BACE2: variants seen among roughly 807,000 people sequenced by gnomAD.
BACE2 encodes 56 kDa aspartic-like protease.
Under a neutral mutation model 46.2 loss-of-function variants are expected in BACE2, and 17 were observed. The ratio of observed to expected loss-of-function variants is 0.37; its 90% CI spans 0.25 to 0.55. The LOEUF (loss-of-function observed/expected upper bound fraction) is 0.55, where lower values mean the gene tolerates loss of function less well. BACE2 is among the 20% of genes least tolerant of loss of function. The pLI, the probability that BACE2 is intolerant of heterozygous loss-of-function variation, is 0.82. For synonymous variants in BACE2, 277 were observed against 295.9 expected (o/e 0.94, Z 0.66); for missense variants, 595 against 698.1 (o/e 0.85, Z 1.66).
chr21:41,262,919 C>T (rs1404796787), intron 8 of BACE2, among the ~76,000 whole-genome samples: 1 of 141,936 alleles, frequency 7.0e-6, no homozygotes, highest in Admixed American at 6.9e-5. Flanking sequence ...TCTATCAAAA[C>T]AGCCATATAA....
At chr21:41,264,757 A>T (rs939546136) in intron 8 of BACE2, among the ~76,000 whole-genome samples, 3 of 152,140 alleles carry the variant, frequency 2.0e-5, no homozygotes, top group Non-Finnish European at 4.4e-5. Flanking sequence ...TCCCAATTCA[A>T]CATGAGATTT....
At chr21:41,179,788 G>T in intron 1 of BACE2, 1 of 587,548 alleles carries the variant, frequency 1.7e-6, no homozygotes, top group Non-Finnish European at 2.8e-6. Context: ...AGAGACTATT[G>T]TGTGTTTTAT....
At chr21:41,188,752 C>G (rs192497502) in intron 1 of BACE2, among the ~76,000 whole-genome samples, 2 of 152,174 alleles carry the variant, frequency 1.3e-5, no homozygotes, top group Admixed American at 1.3e-4. Context: ...GAACTGGGGT[C>G]AATCAGAAGT....
At chr21:41,243,118 T>C (rs2123604317) in intron 4 of BACE2, among the ~76,000 whole-genome samples, 1 of 152,264 alleles carries the variant, frequency 6.6e-6, no homozygotes, top group South Asian at 2.1e-4. Flanking sequence ...TTCACCATGC[T>C]AGCCAGGCCG....
At chr21:41,212,485 A>G (rs1986329473) in intron 1 of BACE2, among the ~76,000 whole-genome samples, 1 of 152,126 alleles carries the variant, frequency 6.6e-6, no homozygotes, top group African/African-American at 2.4e-5. Context: ...CACTCTCCCT[A>G]CCCTGAGACA....
chr21:41,191,661 G>A (rs1985573704), intron 1 of BACE2, among the ~76,000 whole-genome samples: 1 of 152,170 alleles, frequency 6.6e-6, no homozygotes, highest in African/African-American at 2.4e-5. Context: ...AGCCAGGTCA[G>A]CCTTGGTGAG....
chr21:41,239,345 T>C (rs996781667), intron 3 of BACE2, among the ~76,000 whole-genome samples: 67 of 152,146 alleles, frequency 4.4e-4, no homozygotes, highest in African/African-American at 1.5e-3. Context: ...GCATACTTTG[T>C]AAGGTCATAT....
At chr21:41,192,183 T>A (rs1985594974) in intron 1 of BACE2, among the ~76,000 whole-genome samples, 1 of 152,206 alleles carries the variant, frequency 6.6e-6, no homozygotes, top group Non-Finnish European at 1.5e-5. Flanking sequence ...GGTGCCTGCA[T>A]ATCATGCAGA....
At chr21:41,263,705 CTGT>C (rs1987997174) in intron 8 of BACE2, among the ~76,000 whole-genome samples, 1 of 152,230 alleles carries the variant, frequency 6.6e-6, no homozygotes, top group Non-Finnish European at 1.5e-5. Context: ...TTGGTCTTAA[CTGT>C]TGTACCTTTA....
intron 6 of BACE2, among the ~76,000 whole-genome samples, chr21:41,249,112 A>G (rs535429764): frequency 1.3e-5 from 2 of 152,296 alleles, no homozygotes; most frequent in Non-Finnish European, 2.9e-5. Flanking sequence ...ACTCAGGACT[A>G]GTGGGCATGT....
At chr21:41,226,700 T>G (rs1295065978) in intron 2 of BACE2, among the ~76,000 whole-genome samples, 1 of 152,172 alleles carries the variant, frequency 6.6e-6, no homozygotes, top group Non-Finnish European at 1.5e-5. Context: ...GGAGGTGGGC[T>G]GGAGCAGGGG....
intron 8 of BACE2, among the ~76,000 whole-genome samples, chr21:41,263,955 C>T (rs1368072989): frequency 6.6e-6 from 1 of 152,152 alleles, no homozygotes; most frequent in Non-Finnish European, 1.5e-5. Flanking sequence ...TCTTTCTAGT[C>T]TCTTCTTCTG....
At chr21:41,253,187 A>G (rs912678189) in intron 7 of BACE2, among the ~76,000 whole-genome samples, 1 of 152,118 alleles carries the variant, frequency 6.6e-6, no homozygotes, top group African/African-American at 2.4e-5. Context: ...CATGCCTGTA[A>G]TCCCAGCACT....
chr21:41,193,735 G>A lies in BACE2; in HGVS notation c.312+25160G>A, dbSNP rs552455044. On this transcript the variant is annotated intron_variant, in intron 1 of 8. Coordinates refer to ENST00000330333, the MANE Select transcript of BACE2 (RefSeq NM_012105.5). This position sits in a 1 kb window ranked among gnomAD's most constrained non-coding sequence, Gnocchi z 4.2. Reference sequence around the variant, plus strand: ...GGGAAAATGACCACAGGATGAGTCCGAGGACCCACTGGACCCACTGTAAGT... The same window carrying A: ...GGGAAAATGACCACAGGATGAGTCCAAGGACCCACTGGACCCACTGTAAGT... Among the ~76,000 whole-genome samples, 9 of 152,290 alleles carry A rather than the reference G, an allele frequency of 5.9e-5. 1 individual carries two copies. The highest frequency in any genetic ancestry group is 3.9e-4 in the East Asian group (2 of 5,170).
Position 41,237,598 on chromosome 21 carries a change from G to A in BACE2, c.487G>A (p.Val163Ile), listed in dbSNP as rs778102614. 7 of 1,614,156 alleles carry A rather than the reference G, an allele frequency of 4.3e-6. No homozygotes were observed. Among genetic ancestry groups the A allele is most frequent in the East Asian group, 4.5e-5 (2 of 44,888 alleles). The change falls in exon 3 of 9, where the codon GTC becomes ATC. Residue 163 changes from valine to isoleucine, a missense_variant. Physicochemically the swap from Val to Ile is conservative, Grantham distance 29. Coordinates refer to ENST00000330333, the MANE Select transcript of BACE2 (RefSeq NM_012105.5). ...SWTGFVGEDL[V>I]TIPKGFNTSF... The stretch of plus-strand genomic sequence containing the variant: ...GACGGGCTTCGTTGGGGAAGACCTC[G>A]TCACCATCCCCAAAGGCTTCAATAC...
intron 2 of BACE2, among the ~76,000 whole-genome samples, chr21:41,228,535 G>A (rs949826180): frequency 1.3e-5 from 2 of 152,186 alleles, no homozygotes; most frequent in Admixed American, 1.3e-4. Context: ...CAGAGCCAGT[G>A]TGCAGAGATC....
chr21:41,246,138 T>C, intron 6 of BACE2, 75 bp downstream of exon 6: 7 of 1,104,748 alleles, frequency 6.3e-6, no homozygotes, highest in Middle Eastern at 2.0e-4. Context: ...CACTGCGTGT[T>C]CTGAGCATCT....
chr21:41,254,916 G>C (rs1264836427), intron 7 of BACE2, among the ~76,000 whole-genome samples: 2 of 152,254 alleles, frequency 1.3e-5, no homozygotes, highest in African/African-American at 2.4e-5. Context: ...CGCATGATGA[G>C]CTCTGGGCCA....
intron 1 of BACE2, among the ~76,000 whole-genome samples, chr21:41,204,037 G>A (rs1986049100): frequency 6.6e-6 from 1 of 152,136 alleles, no homozygotes; most frequent in South Asian, 2.1e-4. Context: ...GCTGTGGTTG[G>A]AGGACAATGT....
Sources: gnomAD v4.1 joint callset for allele counts (sites outside exome capture counted in the v4.1 genomes callset) on GRCh38, gnomAD v4.1.1 for gene constraint, Gnocchi (gnomAD v3.1) non-coding constraint, MANE v1.5 for transcripts, NCBI Gene and HGNC (gene_info 2026-07-23, HGNC 2026-07-21) for gene names.